AFF1: variants seen among roughly 807,000 people sequenced by gnomAD.
The protein encoded by AFF1 is ALF transcription elongation factor 1.
Under a neutral mutation model 121.7 loss-of-function variants are expected in AFF1, and 48 were observed. That is an observed-to-expected ratio of 0.39 (90% confidence interval 0.31 to 0.50). The LOEUF (loss-of-function observed/expected upper bound fraction) is 0.50, where lower values mean the gene tolerates loss of function less well. AFF1 is among the 20% of genes least tolerant of loss of function. The pLI is 0.76. For missense variants in AFF1, 1,523 were observed against 1,511.7 expected (o/e 1.01, Z -0.12); for synonymous variants, 613 against 563.0 (o/e 1.09, Z -1.26).
intron 2 of AFF1, among the ~76,000 whole-genome samples, chr4:87,004,395 A>G (rs1243531300): frequency 1.3e-5 from 2 of 152,224 alleles, no homozygotes; most frequent in Non-Finnish European, 2.9e-5. Flanking sequence ...GGTATTTAAA[A>G]TATTTATTTT....
At chr4:87,048,839 C>A (rs913811347) in intron 4 of AFF1, among the ~76,000 whole-genome samples, 6 of 151,970 alleles carry the variant, frequency 3.9e-5, no homozygotes, top group Non-Finnish European at 7.4e-5. Context: ...GCAGAAATGA[C>A]CAAGATGGCA....
rs573417339 is a variant in AFF1 at position 87,052,062 on chromosome 4, G to A, written c.1059+4468G>A. ...CACCTCACATGGAGGATGAACATGCGTCAGTCATGCAGAGCTCAGAGACGT... is the reference window on the plus strand; with the variant it reads ...CACCTCACATGGAGGATGAACATGCATCAGTCATGCAGAGCTCAGAGACGT... On this transcript the variant is annotated intron_variant, in intron 4 of 20. Transcript: ENST00000395146. Among the ~76,000 whole-genome samples the A allele has an allele frequency of 1.8e-4, 27 of 152,188 alleles. No homozygotes were observed. The South Asian group carries it at 2.1e-3, about 12-fold the overall frequency.
chr4:87,007,094 A>C (rs1726208904), intron 2 of AFF1: 2 of 1,246,626 alleles, frequency 1.6e-6, no homozygotes, highest in Non-Finnish European at 2.0e-6. Flanking sequence ...TTCCCTTCTC[A>C]GAAACTGCGC....
In AFF1 at chr4:87,108,288, T is replaced by A. The variant is rs763083293; in HGVS notation, c.1506T>A (p.Asn502Lys). 45 of 1,613,652 alleles carry A rather than the reference T, an allele frequency of 2.8e-5. No individual in the cohort carries two copies. The highest frequency in any genetic ancestry group is 3.6e-5 in the Non-Finnish European group (43 of 1,179,920). The change falls in exon 11 of 21, where the codon AAT (asparagine) becomes AAA (lysine). Residue 502 changes from asparagine to lysine, a missense_variant. This residue lies in a region of AFF1 where 905 missense variants were observed against 842.5 expected (regional missense o/e 1.07). Coordinates refer to ENST00000395146, the MANE Select transcript of AFF1 (RefSeq NM_001166693.3). ...GCAGTTCAAGTGACAGCGAAGAAAA[T>A]GAGCCCCTAGAAACCCCAGCTCCGG... ...SESSSSDSEE[N>K]EPLETPAPEP...
intron 2 of AFF1, among the ~76,000 whole-genome samples, chr4:87,031,441 T>G (rs1321744206): frequency 6.8e-6 from 1 of 146,888 alleles, no homozygotes; most frequent in Non-Finnish European, 1.5e-5. Flanking sequence ...TAGCATATGT[T>G]TTTTTTTTTT....
rs941542094 is a variant in AFF1, at chr4:87,138,113, A to G, written c.*2412A>G. 6.1e-5 allele frequency: 14 copies of G among 231,294 alleles called. No individual in the cohort carries two copies. Among genetic ancestry groups the G allele is most frequent in the African/African-American group, 3.1e-4 (14 of 45,022 alleles). The allele number at this position is 231,294 out of a possible 1,614,324, so 14.3% of individuals were successfully genotyped here. ...AAATGTGCATAGATCAATTTGTACTACTTTGGTCATTGGATATTTCTGATC... is the reference window on the plus strand; with the variant it reads ...AAATGTGCATAGATCAATTTGTACTGCTTTGGTCATTGGATATTTCTGATC... On this transcript the variant is annotated 3_prime_UTR_variant, in exon 21 of 21. Transcript: ENST00000395146.
chr4:87,065,802 T>TC (rs3836603), intron 4 of AFF1, among the ~76,000 whole-genome samples: 11 of 151,848 alleles, frequency 7.2e-5, no homozygotes, highest in South Asian at 2.1e-4. Context: ...CCATTATTTT[T>TC]CCCCCCCCTT....
At chr4:86,941,979 T>C (rs1339772431) in intron 1 of AFF1, among the ~76,000 whole-genome samples, 2 of 150,954 alleles carry the variant, frequency 1.3e-5, no homozygotes, top group Non-Finnish European at 1.5e-5. Flanking sequence ...GAGTGAGCAA[T>C]ATAGCAATAT....
chr4:87,103,197 A>G (rs1245719328), intron 8 of AFF1, among the ~76,000 whole-genome samples: 1 of 152,060 alleles, frequency 6.6e-6, no homozygotes, highest in Non-Finnish European at 1.5e-5. Flanking sequence ...TCTTGCTGCC[A>G]TTTTCTCCTC....
At chr4:86,955,185 G>C (rs1017211829) in intron 2 of AFF1, among the ~76,000 whole-genome samples, 2 of 152,124 alleles carry the variant, frequency 1.3e-5, no homozygotes, top group Admixed American at 1.3e-4. Flanking sequence ...GACAATAAAA[G>C]TGGAAAAACC....
chr4:86,955,045 C>T (rs758608606), intron 2 of AFF1, among the ~76,000 whole-genome samples: 1 of 151,908 alleles, frequency 6.6e-6, no homozygotes, highest in Non-Finnish European at 1.5e-5. Flanking sequence ...CCTTTTTGTT[C>T]CACCTTGTGA....
intron 2 of AFF1, among the ~76,000 whole-genome samples, chr4:87,013,566 C>A (rs923767976): frequency 2.6e-5 from 4 of 151,910 alleles, no homozygotes; most frequent in African/African-American, 9.7e-5. Flanking sequence ...GTTTTTCCTC[C>A]GTGGTGGCTC....
intron 2 of AFF1, among the ~76,000 whole-genome samples, chr4:87,022,693 T>G (rs1389515116): frequency 1.4e-5 from 2 of 145,650 alleles, no homozygotes; most frequent in African/African-American, 2.7e-5. Flanking sequence ...TGTATGTATA[T>G]CTGTGTGTAT....
chr4:87,109,666 AT>A (rs1468719036), intron 11 of AFF1, among the ~76,000 whole-genome samples: 4 of 152,262 alleles, frequency 2.6e-5, no homozygotes, highest in Non-Finnish European at 5.9e-5. Context: ...CGAAAAGATA[AT>A]TAACATTTAA....
intron 17 of AFF1, 147 bp downstream of exon 17, chr4:87,131,366 G>GA: frequency 1.8e-6 from 2 of 1,087,620 alleles, no homozygotes; most frequent in Non-Finnish European, 2.6e-6. Flanking sequence ...TGTTTGTCCT[G>GA]AAGTTGCGTT....
At chr4:87,031,356 C>T (rs1729068289) in intron 2 of AFF1, among the ~76,000 whole-genome samples, 1 of 152,200 alleles carries the variant, frequency 6.6e-6, no homozygotes, top group Non-Finnish European at 1.5e-5. Flanking sequence ...TAAATCACCC[C>T]AGGCTCCTCC....
intron 2 of AFF1, among the ~76,000 whole-genome samples, chr4:87,041,635 T>G (rs1052550046): frequency 1.3e-5 from 2 of 152,036 alleles, no homozygotes; most frequent in African/African-American, 4.8e-5. Flanking sequence ...CAGGCTGATG[T>G]TGGGATACAT....
At chr4:87,104,013 A>G (rs771303465) in intron 8 of AFF1, among the ~76,000 whole-genome samples, 4 of 152,200 alleles carry the variant, frequency 2.6e-5, no homozygotes, top group Non-Finnish European at 5.9e-5. Context: ...CAGCCCAGCC[A>G]CCATTTAGCA....
chr4:87,100,146 A>G (rs1484905874), intron 8 of AFF1, among the ~76,000 whole-genome samples: 1 of 152,074 alleles, frequency 6.6e-6, no homozygotes, highest in African/African-American at 2.4e-5. Context: ...GCTAATTTAA[A>G]CGTAGATTGA....
Sources: gnomAD v4.1 joint callset for allele counts (sites outside exome capture counted in the v4.1 genomes callset) on GRCh38, gnomAD v4.1.1 for gene constraint, gnomAD v4.1.1 regional missense constraint, MANE v1.5 for transcripts, NCBI Gene and HGNC (gene_info 2026-07-23, HGNC 2026-07-21) for gene names.